Variants in MAP4K4 observed in about 807,000 individuals in gnomAD.
MAP4K4 encodes the protein HPK/GCK-like kinase HGK.
Under a neutral mutation model 189.6 loss-of-function variants are expected in MAP4K4, and 38 were observed. The observed-to-expected ratio is 0.20, with a 90% CI of 0.15 to 0.26. The LOEUF is 0.26. MAP4K4 is among the 10% of genes least tolerant of loss of function. The pLI, the probability that MAP4K4 is intolerant of heterozygous loss-of-function variation, is 1.00. For synonymous variants in MAP4K4, 610 were observed against 624.3 expected (o/e 0.98, Z 0.34); for missense variants, 1,054 against 1,726.9 (o/e 0.61, Z 6.91).
chr2:101,731,353 T>G (rs1381491698), intron 2 of MAP4K4, among the ~76,000 whole-genome samples: 1 of 151,804 alleles, frequency 6.6e-6, no homozygotes, highest in Non-Finnish European at 1.5e-5. Context: ...CTGACCTAGG[T>G]GATCCGCCTG....
At chr2:101,887,304 T>C (rs1159807832) in intron 30 of MAP4K4, 67 bp downstream of exon 30, 1 of 1,506,876 alleles carries the variant, frequency 6.6e-7, no homozygotes, top group South Asian at 1.3e-5. Flanking sequence ...TCTTCTTTAC[T>C]CTGCTTAGTG....
At chr2:101,757,783 G>A (rs1038689238) in intron 2 of MAP4K4, among the ~76,000 whole-genome samples, 2 of 152,222 alleles carry the variant, frequency 1.3e-5, no homozygotes, top group Non-Finnish European at 2.9e-5. Context: ...ACTTTGGGAG[G>A]CCGAGGCGAG....
intron 31 of MAP4K4, among the ~76,000 whole-genome samples, chr2:101,888,553 G>T (rs1319734792): frequency 6.6e-6 from 1 of 152,068 alleles, no homozygotes; most frequent in African/African-American, 2.4e-5. Context: ...TTTCTAGATA[G>T]GCGTGAAAGG....
At chr2:101,829,111 C>A (rs1309801772) in intron 5 of MAP4K4, among the ~76,000 whole-genome samples, 2 of 152,148 alleles carry the variant, frequency 1.3e-5, no homozygotes, top group Non-Finnish European at 2.9e-5. Context: ...TTTGCTTTTC[C>A]CCTGAGATGT....
intron 2 of MAP4K4, among the ~76,000 whole-genome samples, chr2:101,729,862 G>A (rs1054469083): frequency 3.3e-5 from 5 of 152,174 alleles, no homozygotes; most frequent in Non-Finnish European, 5.9e-5. Flanking sequence ...TTCTCTGGGT[G>A]TTTTCCTCTC....
At chr2:101,828,307 G>A (rs1397916077) in intron 5 of MAP4K4, among the ~76,000 whole-genome samples, 1 of 152,222 alleles carries the variant, frequency 6.6e-6, no homozygotes, top group Non-Finnish European at 1.5e-5. Flanking sequence ...TAGGAATTAC[G>A]AAGAATTGGG....
chr2:101,743,919 A>C (rs1574718411), intron 2 of MAP4K4, among the ~76,000 whole-genome samples: 1 of 152,200 alleles, frequency 6.6e-6, no homozygotes, highest in Non-Finnish European at 1.5e-5. Context: ...TGGTCTCCCA[A>C]AGTGCTGTGA....
At chr2:101,716,976 T>G (rs981272313) in intron 2 of MAP4K4, among the ~76,000 whole-genome samples, 1 of 152,236 alleles carries the variant, frequency 6.6e-6, no homozygotes, top group Non-Finnish European at 1.5e-5. Flanking sequence ...GAGATAAATA[T>G]GTACATTTAA....
chr2:101,789,937 C>T (rs1207743865), intron 2 of MAP4K4, among the ~76,000 whole-genome samples: 1 of 151,980 alleles, frequency 6.6e-6, no homozygotes, highest in Non-Finnish European at 1.5e-5. Context: ...CCAGGTGAGG[C>T]ATTATAATAC....
At chr2:101,885,045 T>C (rs910650996) in intron 28 of MAP4K4, 142 bp from the exon 29 acceptor site, 8 of 477,538 alleles carry the variant, frequency 1.7e-5, no homozygotes, top group African/African-American at 1.6e-4. Flanking sequence ...GTGATCTCTC[T>C]CTCTGAATTT....
chr2:101,810,022 ATT>A (rs955869899), intron 3 of MAP4K4, among the ~76,000 whole-genome samples: 1 of 152,220 alleles, frequency 6.6e-6, no homozygotes, highest in African/African-American at 2.4e-5. Context: ...TGGAAGATTC[ATT>A]GTCTAATTGG....
chr2:101,793,997 A>G (rs1409594597), intron 3 of MAP4K4, among the ~76,000 whole-genome samples: 1 of 152,192 alleles, frequency 6.6e-6, no homozygotes, highest in Non-Finnish European at 1.5e-5. Flanking sequence ...AAGAGATGTC[A>G]AGTTCTCTTC....
intron 27 of MAP4K4, 24 bp from the exon 28 acceptor site, chr2:101,882,527 A>G: frequency 6.5e-7 from 1 of 1,548,034 alleles, no homozygotes; most frequent in Non-Finnish European, 8.7e-7. Flanking sequence ...TATGCATGTA[A>G]AATATTTATA....
At chr2:101,858,136 G>A (rs2097533249) in intron 13 of MAP4K4, among the ~76,000 whole-genome samples, 1 of 152,188 alleles carries the variant, frequency 6.6e-6, no homozygotes, top group African/African-American at 2.4e-5. Context: ...TCTCAAATGA[G>A]GAGACTGAGA....
intron 2 of MAP4K4, among the ~76,000 whole-genome samples, chr2:101,740,969 C>T (rs115692647): frequency 1.6e-4 from 24 of 152,206 alleles, no homozygotes; most frequent in African/African-American, 5.5e-4. Flanking sequence ...TTAGTTGTTA[C>T]TCTCATTGCT....
At chr2:101,721,490 C>T (rs1259989247) in intron 2 of MAP4K4, among the ~76,000 whole-genome samples, 3 of 145,520 alleles carry the variant, frequency 2.1e-5, no homozygotes, top group Non-Finnish European at 3.0e-5. Flanking sequence ...GGCTGGAGTG[C>T]GGTGGCGCGA....
chr2:101,882,336 C>T (rs1243876623), intron 27 of MAP4K4, among the ~76,000 whole-genome samples: 7 of 152,118 alleles, frequency 4.6e-5, no homozygotes, highest in African/African-American at 1.7e-4. Context: ...ATTGTTATCT[C>T]CTGTTCTATT....
intron 2 of MAP4K4, among the ~76,000 whole-genome samples, chr2:101,772,342 T>G (rs2081898954): frequency 6.6e-6 from 1 of 152,236 alleles, no homozygotes; most frequent in Non-Finnish European, 1.5e-5. Flanking sequence ...AAAAAGGATA[T>G]CCAACAAAAT....
rs912225407 is a variant in MAP4K4, at chr2:101,805,197, A to G, written c.180+14421A>G. ...TCCAAAAACTGTACATAACTCTTCA[A>G]TGGACCAGCACCTAGATCAAGAAAC... On this transcript the variant is annotated intron_variant, in intron 3 of 32. Transcript: ENST00000324219. 2.6e-5 allele frequency among the ~76,000 whole-genome samples: 4 copies of G among 152,206 alleles called. No homozygotes were observed. The South Asian group carries it at 6.2e-4, about 24-fold the overall frequency.
Sources: allele counts gnomAD v4.1 joint callset (sites outside exome capture counted in the v4.1 genomes callset), GRCh38; gene constraint gnomAD v4.1.1; transcripts MANE v1.5; gene names NCBI Gene and HGNC (gene_info 2026-07-23, HGNC 2026-07-21).